The following LRP1B variants were observed in gnomAD, a reference collection of about 807,000 sequenced individuals.
LRP1B encodes the protein low-density lipoprotein receptor-related protein 1B.
A neutral mutation model predicts 556.6 loss-of-function variants in LRP1B; 217 were observed. The ratio of observed to expected loss-of-function variants is 0.39; its 90% CI spans 0.35 to 0.44. The LOEUF is 0.44. Ranked by LOEUF, LRP1B falls within the 20% of genes least tolerant of loss-of-function variation. The probability of loss-of-function intolerance (pLI) is 1.00; values close to 1 mark genes in which losing one functional copy is unlikely to be tolerated. For missense variants in LRP1B, 5,053 were observed against 5,620.8 expected (o/e 0.90, Z 3.23); for synonymous variants, 2,047 against 1,865.8 (o/e 1.10, Z -2.50).
intron 2 of LRP1B, among the ~76,000 whole-genome samples, chr2:141,512,268 A>G (rs3856360): frequency 0.97 from 148,259 of 152,190 alleles, 72,326 homozygotes; most frequent in East Asian, 1. Context: ...GAGTATTGTC[A>G]TACTAATATG....
At chr2:141,676,101 T>C (rs354856) in intron 2 of LRP1B, among the ~76,000 whole-genome samples, 19,616 of 152,000 alleles carry the variant, frequency 0.13, 1,985 homozygotes, top group African/African-American at 0.27. Context: ...AAAATACTTA[T>C]GAATGGATTG....
intron 1 of LRP1B, among the ~76,000 whole-genome samples, chr2:142,092,984 C>G (rs1706225687): frequency 6.6e-6 from 1 of 152,008 alleles, no homozygotes; most frequent in South Asian, 2.1e-4. Context: ...AAGAGTAAAG[C>G]CCAGGTACAT....
chr2:141,279,189 G>A (rs1685415924), intron 3 of LRP1B, among the ~76,000 whole-genome samples: 1 of 151,716 alleles, frequency 6.6e-6, no homozygotes, highest in South Asian at 2.1e-4. Flanking sequence ...CAAAAAAAAA[G>A]GTTGAAAAGA....
intron 32 of LRP1B, among the ~76,000 whole-genome samples, chr2:140,778,319 A>G (rs968667607): frequency 3.3e-5 from 5 of 152,204 alleles, no homozygotes; most frequent in African/African-American, 1.2e-4. Context: ...AAATGAATGG[A>G]ATATAAAAAC....
At chr2:140,693,778 G>T (rs1686328269) in intron 41 of LRP1B, among the ~76,000 whole-genome samples, 1 of 152,118 alleles carries the variant, frequency 6.6e-6, no homozygotes, top group Non-Finnish European at 1.5e-5. Flanking sequence ...TGCAATCTTG[G>T]CTCACTGCAA....
In LRP1B at chr2:141,188,989, CTTG is replaced by C. The variant is rs1203762475; in HGVS notation, c.851-409_851-407del. Among the ~76,000 whole-genome samples, 19 of 152,026 alleles carry C rather than the reference CTTG, an allele frequency of 1.2e-4. No individual in the cohort carries two copies. The East Asian group carries it at 3.7e-3, about 30-fold the overall frequency. On this transcript the variant is annotated intron_variant, in intron 6 of 90. Transcript: ENST00000389484. ...ACCTTTTCTGAGTGTAAGGCAAATC[CTTG>C]TTTTCAGATTCCCTTTTATTAAAAG...
At chr2:141,669,251 A>G (rs1389978355) in intron 2 of LRP1B, among the ~76,000 whole-genome samples, 1 of 152,188 alleles carries the variant, frequency 6.6e-6, no homozygotes, top group Admixed American at 6.5e-5. Context: ...GTAAACAGAT[A>G]CACAGAGGGA....
intron 68 of LRP1B, among the ~76,000 whole-genome samples, chr2:140,374,363 C>T (rs1477252607): frequency 6.6e-6 from 1 of 152,184 alleles, no homozygotes; most frequent in Non-Finnish European, 1.5e-5. Flanking sequence ...CTTGCTGCTT[C>T]TTCCCAGGTT....
chr2:140,965,677 G>A (rs1035358478), intron 18 of LRP1B, among the ~76,000 whole-genome samples: 4 of 151,966 alleles, frequency 2.6e-5, no homozygotes, highest in African/African-American at 9.7e-5. Context: ...TTTACATTAG[G>A]TATATCTCCT....
intron 1 of LRP1B, among the ~76,000 whole-genome samples, chr2:142,069,764 G>A (rs1419218368): frequency 6.6e-6 from 1 of 151,520 alleles, no homozygotes; most frequent in Non-Finnish European, 1.5e-5. Flanking sequence ...GCCTGTAAGA[G>A]GTAAATAATT....
At chr2:140,466,272 T>C (rs1172266177) in intron 60 of LRP1B, among the ~76,000 whole-genome samples, 1 of 152,148 alleles carries the variant, frequency 6.6e-6, no homozygotes, top group Non-Finnish European at 1.5e-5. Context: ...GAACAAATTC[T>C]TAAAACATAT....
intron 1 of LRP1B, among the ~76,000 whole-genome samples, chr2:141,924,058 G>A (rs376364227): frequency 3.4e-4 from 52 of 152,128 alleles, no homozygotes; most frequent in African/African-American, 1.2e-3. Context: ...CTGGAGGCCT[G>A]CAGCCCTAAG....
In LRP1B at chr2:140,437,802, A is replaced by T. The variant is rs112236812; in HGVS notation, c.10414+4702T>A. Among the ~76,000 whole-genome samples, 10 of 152,314 alleles carry T rather than the reference A, an allele frequency of 6.6e-5. 1 individual carries two copies. Among genetic ancestry groups the T allele is most frequent in the African/African-American group, 2.4e-4 (10 of 41,576 alleles). ...AATGTGAATAATACATGATCACTTC[A>T]GGACAGTGGGAAGAAGGGGGAAAGG... On this transcript the variant is annotated intron_variant, in intron 66 of 90. Transcript: ENST00000389484.
At chr2:140,432,815 C>A (rs1686010166) in intron 66 of LRP1B, among the ~76,000 whole-genome samples, 1 of 152,144 alleles carries the variant, frequency 6.6e-6, no homozygotes, top group Non-Finnish European at 1.5e-5. Flanking sequence ...CCTGTGTGAT[C>A]CTTATATAGC....
At chr2:140,929,679 C>T (rs1573890968) in intron 20 of LRP1B, among the ~76,000 whole-genome samples, 2 of 151,408 alleles carry the variant, frequency 1.3e-5, no homozygotes, top group Admixed American at 6.6e-5. Flanking sequence ...AGAACCTTCA[C>T]ATTTATAAGG....
intron 2 of LRP1B, among the ~76,000 whole-genome samples, chr2:141,529,703 A>C (rs1403241298): frequency 6.6e-6 from 1 of 152,126 alleles, no homozygotes. Context: ...ACTATTAATC[A>C]TACCAACCTT....
intron 1 of LRP1B, among the ~76,000 whole-genome samples, chr2:142,055,244 A>G (rs1391953703): frequency 1.3e-5 from 2 of 152,118 alleles, no homozygotes; most frequent in Non-Finnish European, 2.9e-5. Context: ...ATAGAGAAGA[A>G]CAGACAGAGA....
intron 3 of LRP1B, among the ~76,000 whole-genome samples, chr2:141,395,580 T>C (rs1690212764): frequency 6.6e-6 from 1 of 152,152 alleles, no homozygotes; most frequent in South Asian, 2.1e-4. Flanking sequence ...TATATTCATA[T>C]AAAAATTTCT....
Position 140,316,217 on chromosome 2 carries a change from T to A in LRP1B, c.12641-1118A>T, listed in dbSNP as rs570110780. On this transcript the variant is annotated intron_variant, in intron 82 of 90. Transcript: ENST00000389484. Reference sequence around the variant, plus strand: ...TGAGAAAGTTGTAATAAGCATTCTATTCTAGAATATGCCCTTTACTATAGT... The same window carrying A: ...TGAGAAAGTTGTAATAAGCATTCTAATCTAGAATATGCCCTTTACTATAGT... Among the ~76,000 whole-genome samples the A allele has an allele frequency of 1.1e-3, 174 of 152,264 alleles. 2 individuals are homozygous for A. In the South Asian group the frequency reaches 0.035, roughly 31 times the overall value.
Sources: allele counts gnomAD v4.1 joint callset (sites outside exome capture counted in the v4.1 genomes callset), GRCh38; gene constraint gnomAD v4.1.1; transcripts MANE v1.5; gene names NCBI Gene and HGNC (gene_info 2026-07-23, HGNC 2026-07-21).